Variants in HPN observed in about 807,000 individuals in gnomAD.
HPN encodes the protein hepsin.
A neutral mutation model predicts 55.9 loss-of-function variants in HPN; 13 were observed. That is an observed-to-expected ratio of 0.23 (90% CI 0.15 to 0.37). HPN has a LOEUF of 0.37. HPN is among the 10% of genes least tolerant of loss of function. HPN has a pLI of 1.00. For missense variants in HPN, 451 were observed against 575.8 expected, an observed-to-expected ratio of 0.78 and a Z score of 2.22; for synonymous variants, 225 against 240.3, an observed-to-expected ratio of 0.94 and a Z score of 0.59.
rs865940022 is a variant in HPN, at chr19:35,053,488, C to T, written c.160+3972C>T. Among the ~76,000 whole-genome samples, 26 of 151,426 alleles carry T rather than the reference C, an allele frequency of 1.7e-4. No homozygotes were observed. In the South Asian group the frequency reaches 3.1e-3, roughly 18 times the overall value. ...CAGGCCAGGCCGGTGCGGTGGCTCACGCCTGTAATCCCAGCACTTTGGGAG... is the reference window on the plus strand; with the variant it reads ...CAGGCCAGGCCGGTGCGGTGGCTCATGCCTGTAATCCCAGCACTTTGGGAG... On this transcript the variant is annotated intron_variant, in intron 4 of 12. Coordinates refer to ENST00000672452, the MANE Select transcript of HPN (RefSeq NM_001384133.1).
At chr19:35,054,502 A>G (rs955873224) in intron 4 of HPN, among the ~76,000 whole-genome samples, 1 of 151,732 alleles carries the variant, frequency 6.6e-6, no homozygotes, top group African/African-American at 2.4e-5. Context: ...GATGCATAGC[A>G]TGGGGCCAGC....
At chr19:35,064,037 G>A (rs940200479) in intron 9 of HPN, among the ~76,000 whole-genome samples, 2 of 152,212 alleles carry the variant, frequency 1.3e-5, no homozygotes, top group African/African-American at 4.8e-5. Flanking sequence ...CTTGCTGTTT[G>A]CCTGGCATGC....
intron 1 of HPN, 122 bp downstream of exon 1, chr19:35,041,994 A>T: frequency 8.5e-7 from 1 of 1,179,056 alleles, no homozygotes; most frequent in Non-Finnish European, 1.1e-6. Context: ...AAGAGGGGGC[A>T]CTATGACGTC....
At chr19:35,050,914 C>CTTTTTT (rs5827917) in intron 4 of HPN, among the ~76,000 whole-genome samples, 121 of 90,426 alleles carry the variant, frequency 1.3e-3, no homozygotes, top group Non-Finnish European at 1.5e-3. Context: ...TTCTTTCTTT[C>CTTTTTT]TTTTTTTTTT....
intron 4 of HPN, among the ~76,000 whole-genome samples, chr19:35,057,692 T>C (rs781175156): frequency 2.2e-4 from 34 of 152,150 alleles, no homozygotes; most frequent in Non-Finnish European, 4.9e-4. Context: ...TTAATAACAA[T>C]ATATTATATA....
intron 4 of HPN, among the ~76,000 whole-genome samples, chr19:35,056,118 A>G (rs2064452631): frequency 6.6e-6 from 1 of 151,706 alleles, no homozygotes; most frequent in South Asian, 2.1e-4. Flanking sequence ...ACCTCCTGAC[A>G]CTTTCTCACC....
At chr19:35,059,339 A>C (rs987893954) in intron 4 of HPN, 5 of 440,894 alleles carry the variant, frequency 1.1e-5, no homozygotes, top group South Asian at 8.4e-5. Context: ...AAAATTAGTC[A>C]GGTGTGGTGG....
chr19:35,044,794 G>C (rs2064325948), intron 2 of HPN, among the ~76,000 whole-genome samples: 1 of 152,174 alleles, frequency 6.6e-6, no homozygotes, highest in African/African-American at 2.4e-5. Context: ...GTAAAGAGGG[G>C]ACAGGTTGGA....
At chr19:35,063,896 A>G (rs189789404) in intron 9 of HPN, among the ~76,000 whole-genome samples, 7 of 152,224 alleles carry the variant, frequency 4.6e-5, no homozygotes, top group Admixed American at 1.3e-4. Flanking sequence ...ATGACTTCCT[A>G]GGGTTATTGA....
chr19:35,042,303 C>A, intron 1 of HPN, 150 bp from the exon 2 acceptor site: 1 of 1,401,622 alleles, frequency 7.1e-7, no homozygotes, highest in Non-Finnish European at 9.2e-7. Context: ...CATCCTTGAA[C>A]CCAGCCCAAT....
At chr19:35,045,403 G>C (rs2064331877) in intron 2 of HPN, among the ~76,000 whole-genome samples, 1 of 152,184 alleles carries the variant, frequency 6.6e-6, no homozygotes, top group Non-Finnish European at 1.5e-5. Context: ...TGTAAGATGA[G>C]GCCCGAGACA....
At chr19:35,044,773 GGGT>G (rs915114929) in intron 2 of HPN, among the ~76,000 whole-genome samples, 1 of 152,142 alleles carries the variant, frequency 6.6e-6, no homozygotes, top group Non-Finnish European at 1.5e-5. Flanking sequence ...GAGTCACAGA[GGGT>G]TCTATAGGTA....
chr19:35,050,241 GC>G (rs370781351), intron 4 of HPN, among the ~76,000 whole-genome samples: 6 of 152,158 alleles, frequency 3.9e-5, no homozygotes, highest in African/African-American at 1.2e-4. Flanking sequence ...TCCTGCTTCA[GC>G]CTCCCAAGTA....
chr19:35,054,435 C>A (rs944455291), intron 4 of HPN, among the ~76,000 whole-genome samples: 5 of 135,248 alleles, frequency 3.7e-5, no homozygotes, highest in East Asian at 2.0e-4. Context: ...AAAAAAAAAA[C>A]CGAAGTGGTC....
upstream of HPN, among the ~76,000 whole-genome samples, chr19:35,041,351 G>A (rs184244598): frequency 4.8e-4 from 73 of 152,224 alleles, no homozygotes; most frequent in African/African-American, 1.6e-3. Context: ...CAAGTGGCGG[G>A]CACAGCCAGG....
chr19:35,059,983 G>T lies in HPN; in HGVS notation c.400G>T (p.Val134Phe), dbSNP rs1214131075. ...GCCCCACACCCAGAGGCTGCTGGAGGTCATCTCCGTGTGGTGAGGAGGGCA... is the reference window on the plus strand; with the variant it reads ...GCCCCACACCCAGAGGCTGCTGGAGTTCATCTCCGTGTGGTGAGGAGGGCA... Reference protein sequence around the residue: ...RLPHTQRLLEVISVCDCPRGR... With the variant: ...RLPHTQRLLEFISVCDCPRGR... Residue 134 changes from valine (V) to phenylalanine (F), a missense_variant, in exon 6 of 13, where the codon GTC becomes TTC. By Grantham distance (50) the Val-to-Phe change is conservative (BLOSUM62 -1). This residue lies in a region of HPN where 378 missense variants were observed against 445.5 expected (regional missense o/e 0.85). Transcript: ENST00000672452. 6.4e-7 allele frequency: 1 copy of T among 1,572,732 alleles called. No homozygotes were observed. The highest frequency in any genetic ancestry group is 8.6e-7 in the Non-Finnish European group (1 of 1,157,906).
chr19:35,062,742 G>A (rs753403463), intron 9 of HPN, among the ~76,000 whole-genome samples: 6 of 152,144 alleles, frequency 3.9e-5, no homozygotes, highest in Non-Finnish European at 5.9e-5. Flanking sequence ...TTAGCTGGCT[G>A]TGGTGGTGCG....
intron 2 of HPN, among the ~76,000 whole-genome samples, chr19:35,048,634 C>T (rs561510547): frequency 1.5e-3 from 231 of 152,222 alleles, no homozygotes; most frequent in Non-Finnish European, 2.6e-3. Flanking sequence ...TGGCTCACTC[C>T]TGTAATCTCA....
chr19:35,054,968 C>T (rs139168195), intron 4 of HPN, among the ~76,000 whole-genome samples: 122 of 152,226 alleles, frequency 8.0e-4, no homozygotes, highest in Non-Finnish European at 1.4e-3. Flanking sequence ...TCATTTGACT[C>T]GGTTTCCCAG....
Sources: gnomAD v4.1 joint callset for allele counts (sites outside exome capture counted in the v4.1 genomes callset) on GRCh38, gnomAD v4.1.1 for gene constraint, gnomAD v4.1.1 regional missense constraint, MANE v1.5 for transcripts, NCBI Gene and HGNC (gene_info 2026-07-23, HGNC 2026-07-21) for gene names.